Variants in AFG1L observed in about 807,000 individuals in gnomAD.
AFG1L encodes AFG1-like ATPase.
Under a neutral mutation model 62.2 loss-of-function variants are expected in AFG1L, and 53 were observed. That is an observed-to-expected ratio of 0.85 (90% CI 0.68 to 1.07). The LOEUF (loss-of-function observed/expected upper bound fraction) is 1.07, where lower values mean the gene tolerates loss of function less well. Ranked by LOEUF, AFG1L falls within the 50% of genes least tolerant of loss-of-function variation. The pLI, the probability that AFG1L is intolerant of heterozygous loss-of-function variation, is 0.00. For missense variants in AFG1L, 555 were observed against 590.5 expected (o/e 0.94, Z 0.62); for synonymous variants, 228 against 210.3 (o/e 1.08, Z -0.73).
intron 2 of AFG1L, among the ~76,000 whole-genome samples, chr6:108,345,537 A>G (rs1014461849): frequency 2.0e-5 from 3 of 151,626 alleles, no homozygotes; most frequent in Non-Finnish European, 1.5e-5. Flanking sequence ...TTTTGTAGAG[A>G]TGGGGTTTTG....
chr6:108,366,319 C>A lies in AFG1L; in HGVS notation c.735C>A (p.Asn245Lys), dbSNP rs1399630998. 6.2e-7 allele frequency: 1 copy of A among 1,610,480 alleles called. No individual in the cohort carries two copies. The highest frequency in any genetic ancestry group is 8.5e-7 in the Non-Finnish European group (1 of 1,177,324). ...KNGVVVVATS[N>K]RPPEDLYKNG... ...GGGTCGTCGTTGTGGCAACATCCAA[C>A]AGGCCACCGGAAGGTAAAAACAAAC... Residue 245 changes from asparagine to lysine, a missense_variant, in exon 6 of 13, where the codon AAC (asparagine) becomes AAA (lysine). Transcript: ENST00000368977.
Position 108,522,565 on chromosome 6 carries a change from C to T in AFG1L, c.*140C>T. On this transcript the variant is annotated 3_prime_UTR_variant, in exon 13 of 13. Transcript: ENST00000368977. ...GACCATTTTAATCTAAAATTGCTCT[C>T]AAGGATCTAGTGGATTAGTAAGTTA... 1.1e-6 allele frequency: 1 copy of T among 911,834 alleles called. No individual in the cohort carries two copies. The highest frequency in any genetic ancestry group is 1.6e-6 in the Non-Finnish European group (1 of 642,850). 56.5% of individuals were successfully genotyped at this position (911,834 alleles called of 1,614,324 possible).
chr6:108,367,384 C>T (rs954321203), intron 6 of AFG1L, among the ~76,000 whole-genome samples: 1 of 151,972 alleles, frequency 6.6e-6, no homozygotes, highest in Admixed American at 6.6e-5. Context: ...AGTAAGGAGA[C>T]CTTTTAGGAG....
chr6:108,342,593 T>G (rs1778720755), intron 2 of AFG1L, among the ~76,000 whole-genome samples: 1 of 152,204 alleles, frequency 6.6e-6, no homozygotes, highest in African/African-American at 2.4e-5. Flanking sequence ...CTGATTAGTC[T>G]TACTGTTCTC....
Position 108,351,618 on chromosome 6 carries a change from G to A in AFG1L, c.416-4036G>A, listed in dbSNP as rs549892640. Among the ~76,000 whole-genome samples, 13 of 152,334 alleles carry A rather than the reference G, an allele frequency of 8.5e-5. No individual in the cohort carries two copies. The South Asian group carries it at 2.3e-3, about 27-fold the overall frequency. On this transcript the variant is annotated intron_variant, in intron 3 of 12. Transcript: ENST00000368977. ...GTACAATGTTGAATAGAAGTGGTGC[G>A]TGTAGACATCCTTGCCTGTGTCAAA... is the stretch of plus-strand genomic sequence containing the variant.
At position 108,315,102 on chromosome 6, in the gene AFG1L, C is replaced by T. The variant is rs371100515; in HGVS notation, c.140-8723C>T. On this transcript the variant is annotated intron_variant, in intron 1 of 12. Coordinates refer to ENST00000368977, the MANE Select transcript of AFG1L (RefSeq NM_145315.5). ...CCTCAAGTGATCTGCCTGCCTCGAACTCCTGGCCTCAAGTGATCTGCTGGC... is the reference window on the plus strand; with the variant it reads ...CCTCAAGTGATCTGCCTGCCTCGAATTCCTGGCCTCAAGTGATCTGCTGGC... 2.0e-4 allele frequency among the ~76,000 whole-genome samples: 30 copies of T among 152,270 alleles called. No homozygotes were observed. In the South Asian group the frequency reaches 6.0e-3, roughly 31 times the overall value.
At chr6:108,489,145 T>C (rs977285353) in intron 10 of AFG1L, among the ~76,000 whole-genome samples, 1 of 152,194 alleles carries the variant, frequency 6.6e-6, no homozygotes, top group East Asian at 1.9e-4. Flanking sequence ...CAGTTAGTCT[T>C]ATACGGATGT....
At chr6:108,518,746 A>T (rs1775002796) in intron 11 of AFG1L, among the ~76,000 whole-genome samples, 1 of 152,258 alleles carries the variant, frequency 6.6e-6, no homozygotes, top group Non-Finnish European at 1.5e-5. Flanking sequence ...ACTCATTCAA[A>T]TACTTATGTA....
intron 12 of AFG1L, chr6:108,520,329 A>G (rs989005635): frequency 6.5e-6 from 1 of 153,010 alleles, no homozygotes; most frequent in Non-Finnish European, 1.5e-5. Flanking sequence ...TCCATTCTGC[A>G]AACATTTATG....
chr6:108,353,195 C>G (rs1001505179), intron 3 of AFG1L, among the ~76,000 whole-genome samples: 1 of 144,064 alleles, frequency 6.9e-6, no homozygotes, highest in Non-Finnish European at 1.5e-5. Context: ...CTCTCTGTTG[C>G]TTAGGCTGGA....
intron 7 of AFG1L, among the ~76,000 whole-genome samples, chr6:108,415,604 G>A (rs1222075457): frequency 2.0e-5 from 3 of 152,032 alleles, no homozygotes; most frequent in Non-Finnish European, 4.4e-5. Flanking sequence ...TAGAGCCCCC[G>A]GGAATAATTC....
In AFG1L at chr6:108,524,970, C is replaced by G. The variant is rs1775270720; in HGVS notation, c.*2545C>G. ...TATATGTCTTTCTTCTGAGCCCTGC[C>G]CCTATTACATTCTCAGCATTCCAGT... is the stretch of plus-strand genomic sequence containing the variant. On this transcript the variant is annotated 3_prime_UTR_variant, in exon 13 of 13. Coordinates refer to ENST00000368977, the MANE Select transcript of AFG1L (RefSeq NM_145315.5). 6.6e-6 allele frequency: 1 copy of G among 152,216 alleles called. No individual in the cohort carries two copies. Among genetic ancestry groups the G allele is most frequent in the African/African-American group, 2.4e-5 (1 of 41,442 alleles). 9.4% of individuals were successfully genotyped at this position (152,216 alleles called of 1,614,324 possible).
At chr6:108,354,984 T>A (rs1463964) in intron 3 of AFG1L, among the ~76,000 whole-genome samples, 151,358 of 152,346 alleles carry the variant, frequency 0.99, 75,190 homozygotes, top group East Asian at 1. Context: ...AGAGATCTAT[T>A]TTCTCAGCTT....
At chr6:108,408,596 G>T (rs535340353) in intron 7 of AFG1L, among the ~76,000 whole-genome samples, 1 of 152,154 alleles carries the variant, frequency 6.6e-6, no homozygotes, top group African/African-American at 2.4e-5. Flanking sequence ...GAAAGCCAGG[G>T]AATATGGCCA....
chr6:108,463,044 T>A (rs545200880), intron 8 of AFG1L, among the ~76,000 whole-genome samples: 2 of 152,086 alleles, frequency 1.3e-5, no homozygotes, highest in Non-Finnish European at 2.9e-5. Context: ...AATCCAGCAC[T>A]GTGGGAGGCT....
chr6:108,460,948 C>T (rs1772439781), intron 8 of AFG1L, among the ~76,000 whole-genome samples: 1 of 152,198 alleles, frequency 6.6e-6, no homozygotes. Context: ...CAGAGCGAGA[C>T]TCCGTCTCAA....
intron 8 of AFG1L, among the ~76,000 whole-genome samples, chr6:108,455,377 C>G (rs929806498): frequency 2.0e-5 from 3 of 151,998 alleles, no homozygotes; most frequent in Non-Finnish European, 4.4e-5. Context: ...AAAAAGATAG[C>G]CTTCTCTGTT....
intron 10 of AFG1L, among the ~76,000 whole-genome samples, chr6:108,489,620 A>G (rs1773699936): frequency 1.3e-5 from 2 of 152,218 alleles, no homozygotes; most frequent in African/African-American, 4.8e-5. Flanking sequence ...TGAACCAGGT[A>G]TACTTGAGAG....
At chr6:108,376,616 G>A (rs562068989) in intron 6 of AFG1L, among the ~76,000 whole-genome samples, 3 of 152,146 alleles carry the variant, frequency 2.0e-5, no homozygotes, top group South Asian at 2.1e-4. Flanking sequence ...TTATTCTACT[G>A]TGGTCCAAGA....
Sources: gnomAD v4.1 joint callset for allele counts (sites outside exome capture counted in the v4.1 genomes callset) on GRCh38, gnomAD v4.1.1 for gene constraint, MANE v1.5 for transcripts, NCBI Gene and HGNC (gene_info 2026-07-23, HGNC 2026-07-21) for gene names.